Variants in AFF3 observed in about 807,000 individuals in gnomAD.
The protein encoded by AFF3 is AF4/FMR2 family member 3.
In AFF3, 32 loss-of-function variants were observed where a neutral mutation model predicts 129.7. That is an observed-to-expected ratio of 0.25 (90% CI 0.19 to 0.33). AFF3 has a LOEUF of 0.33. Among genes scored for constraint, AFF3 ranks in the 10% least tolerant of loss-of-function variants. The probability of loss-of-function intolerance (pLI) is 1.00; values close to 1 mark genes in which losing one functional copy is unlikely to be tolerated. For missense variants in AFF3, 1,373 were observed against 1,592.0 expected (o/e 0.86, Z 2.34); for synonymous variants, 644 against 635.4 (o/e 1.01, Z -0.20).
At chr2:99,808,787 C>A (rs1018627198) in intron 8 of AFF3, among the ~76,000 whole-genome samples, 1 of 152,218 alleles carries the variant, frequency 6.6e-6, no homozygotes, top group Non-Finnish European at 1.5e-5. Flanking sequence ...GAAGCAGCCC[C>A]CTGCCTTGGC....
intron 8 of AFF3, among the ~76,000 whole-genome samples, chr2:99,824,120 C>CT (rs372435426): frequency 3.3e-3 from 483 of 145,400 alleles, no homozygotes; most frequent in African/African-American, 9.5e-3. Flanking sequence ...ATATAAAATC[C>CT]TTTTTTTTTT....
chr2:100,129,717 G>C (rs1458902669), intron 1 of AFF3, among the ~76,000 whole-genome samples: 1 of 152,156 alleles, frequency 6.6e-6, no homozygotes, highest in Non-Finnish European at 1.5e-5. Context: ...TGAGCGCTTA[G>C]CATGTTCCCG....
chr2:99,939,710 G>A (rs573573157), intron 7 of AFF3, among the ~76,000 whole-genome samples: 2 of 152,266 alleles, frequency 1.3e-5, no homozygotes, highest in East Asian at 3.9e-4. Context: ...TTTCCAAAAC[G>A]AAGCTTCCTG....
At chr2:99,760,628 C>A (rs1318245350) in intron 8 of AFF3, among the ~76,000 whole-genome samples, 1 of 152,172 alleles carries the variant, frequency 6.6e-6, no homozygotes, top group Non-Finnish European at 1.5e-5. Context: ...GTGTTCCCCA[C>A]TTCACCCCCA....
chr2:99,806,800 C>T (rs919274874), intron 8 of AFF3, among the ~76,000 whole-genome samples: 3 of 152,128 alleles, frequency 2.0e-5, no homozygotes, highest in Admixed American at 6.5e-5. Flanking sequence ...AAACAGTAGG[C>T]GCTCTGTGTT....
intron 10 of AFF3, among the ~76,000 whole-genome samples, chr2:99,731,043 TC>T (rs1330714621): frequency 6.6e-6 from 1 of 151,918 alleles, no homozygotes; most frequent in Non-Finnish European, 1.5e-5. Flanking sequence ...AATCTCTGCC[TC>T]CCGGGTAATC....
At chr2:100,072,734 G>A (rs1256257791) in intron 4 of AFF3, among the ~76,000 whole-genome samples, 1 of 152,184 alleles carries the variant, frequency 6.6e-6, no homozygotes, top group African/African-American at 2.4e-5. Flanking sequence ...ATGAATGCTA[G>A]GAATCCACCA....
At chr2:99,972,002 C>T (rs1678433062) in intron 7 of AFF3, among the ~76,000 whole-genome samples, 1 of 152,208 alleles carries the variant, frequency 6.6e-6, no homozygotes, top group African/African-American at 2.4e-5. Context: ...AAACAACTGA[C>T]AACGGACCCA....
At chr2:100,108,965 C>A (rs1467392396) in intron 2 of AFF3, among the ~76,000 whole-genome samples, 2 of 125,214 alleles carry the variant, frequency 1.6e-5, no homozygotes, top group African/African-American at 6.1e-5. Flanking sequence ...CTAAGGAATG[C>A]ACCTTCCCCA....
intron 14 of AFF3, among the ~76,000 whole-genome samples, chr2:99,595,157 G>T (rs1478181488): frequency 6.6e-6 from 1 of 152,060 alleles, no homozygotes. Context: ...GTGTCTCTAA[G>T]AATCTATGTC....
intron 18 of AFF3, among the ~76,000 whole-genome samples, chr2:99,577,164 CT>C (rs1449259339): frequency 6.6e-6 from 1 of 152,208 alleles, no homozygotes; most frequent in Non-Finnish European, 1.5e-5. Context: ...ACCCTGTGCC[CT>C]AATTAGCTTA....
chr2:100,053,222 C>T (rs1218477701), intron 4 of AFF3, among the ~76,000 whole-genome samples: 1 of 152,220 alleles, frequency 6.6e-6, no homozygotes, highest in African/African-American at 2.4e-5. Context: ...TTATACAACA[C>T]TTGAACTGTG....
intron 7 of AFF3, among the ~76,000 whole-genome samples, chr2:99,861,046 T>C (rs1321823173): frequency 6.6e-6 from 1 of 152,182 alleles, no homozygotes; most frequent in East Asian, 1.9e-4. Flanking sequence ...CCTTTGAATT[T>C]AGTGATTCTC....
chr2:99,946,473 TAAAAAAAAAAAAAAAAA>T (rs55672296), intron 7 of AFF3, among the ~76,000 whole-genome samples: 18,334 of 51,726 alleles, frequency 0.35, 2,357 homozygotes, highest in East Asian at 0.67. Flanking sequence ...GACGCCATCT[TAAAAAAAAAAAAAAAAA>T]AAAAAAAAAA....
intron 8 of AFF3, among the ~76,000 whole-genome samples, chr2:99,762,909 A>C (rs1682731343): frequency 6.6e-6 from 1 of 152,250 alleles, no homozygotes; most frequent in Admixed American, 6.5e-5. Flanking sequence ...ATAATCATTC[A>C]GCTTTTCAGT....
intron 8 of AFF3, among the ~76,000 whole-genome samples, chr2:99,805,854 T>C (rs1341857069): frequency 4.1e-5 from 3 of 73,164 alleles, no homozygotes; most frequent in Non-Finnish European, 7.1e-5. Context: ...ACACACACGA[T>C]GAAGGAACAT....
intron 11 of AFF3, among the ~76,000 whole-genome samples, chr2:99,721,600 T>G (rs1678900007): frequency 6.6e-6 from 1 of 152,166 alleles, no homozygotes; most frequent in Admixed American, 6.5e-5. Flanking sequence ...TTTCAGCACC[T>G]TAAAGATGCC....
At chr2:99,603,137 T>C (rs777110108) in intron 13 of AFF3, among the ~76,000 whole-genome samples, 25 of 152,212 alleles carry the variant, frequency 1.6e-4, no homozygotes, top group Non-Finnish European at 3.5e-4. Flanking sequence ...CTGTTATTTG[T>C]GTCTAGAATT....
At chr2:100,130,086 G>T (rs1457331724) in intron 1 of AFF3, among the ~76,000 whole-genome samples, 1 of 152,172 alleles carries the variant, frequency 6.6e-6, no homozygotes, top group Non-Finnish European at 1.5e-5. Context: ...GAGGCATATT[G>T]TGTATGTCAC....
Sources: gnomAD v4.1 joint callset for allele counts (sites outside exome capture counted in the v4.1 genomes callset) on GRCh38, gnomAD v4.1.1 for gene constraint, MANE v1.5 for transcripts, NCBI Gene and HGNC (gene_info 2026-07-23, HGNC 2026-07-21) for gene names.